Variants in NKAIN1 observed in about 807,000 individuals in gnomAD.
NKAIN1 encodes the protein sodium/potassium-transporting ATPase subunit beta-1-interacting protein 1.
A neutral mutation model predicts 31.6 loss-of-function variants in NKAIN1; 13 were observed. The ratio of observed to expected loss-of-function variants is 0.41; its 90% confidence interval spans 0.27 to 0.65. The LOEUF (loss-of-function observed/expected upper bound fraction) is 0.65, where lower values mean the gene tolerates loss of function less well. Ranked by LOEUF, NKAIN1 falls within the 30% of genes least tolerant of loss-of-function variation. The pLI is 0.30. For missense variants in NKAIN1, 193 were observed against 262.2 expected, an observed-to-expected ratio of 0.74 and a Z score of 1.82; for synonymous variants, 104 against 109.0, an observed-to-expected ratio of 0.95 and a Z score of 0.28.
At chr1:31,184,796 T>C (rs927884320) in intron 3 of NKAIN1, among the ~76,000 whole-genome samples, 4 of 152,196 alleles carry the variant, frequency 2.6e-5, no homozygotes, top group Admixed American at 1.3e-4. Flanking sequence ...CTTGGTCTGC[T>C]CAATCTTCCC....
At chr1:31,222,810 A>G (rs1167624578) in intron 1 of NKAIN1, among the ~76,000 whole-genome samples, 1 of 152,136 alleles carries the variant, frequency 6.6e-6, no homozygotes, top group African/African-American at 2.4e-5. Context: ...GTCCTGAACA[A>G]ATACTGTGTG....
chr1:31,197,636 T>A (rs1197361642), intron 1 of NKAIN1, among the ~76,000 whole-genome samples: 1 of 143,048 alleles, frequency 7.0e-6, no homozygotes, highest in Non-Finnish European at 1.5e-5. Context: ...AACCTCTATC[T>A]CCCGGGTTCA....
At chr1:31,210,666 C>A (rs1275918893) in intron 1 of NKAIN1, among the ~76,000 whole-genome samples, 2 of 152,192 alleles carry the variant, frequency 1.3e-5, no homozygotes, top group Non-Finnish European at 2.9e-5. Flanking sequence ...ACAGCTGAGC[C>A]CGTTTCCTCA....
intron 2 of NKAIN1, among the ~76,000 whole-genome samples, chr1:31,186,380 CTT>C: frequency 7.6e-6 from 1 of 132,292 alleles, no homozygotes; most frequent in Non-Finnish European, 1.6e-5. Context: ...AAAAAAAAGT[CTT>C]AATTCTTTTG....
intron 1 of NKAIN1, among the ~76,000 whole-genome samples, chr1:31,194,375 CCTT>C (rs1339053624): frequency 6.6e-6 from 1 of 151,688 alleles, no homozygotes; most frequent in Non-Finnish European, 1.5e-5. Flanking sequence ...CCTTCCCTTC[CCTT>C]TTTCTTTCCT....
chr1:31,205,913 G>A (rs1462901721), intron 1 of NKAIN1, among the ~76,000 whole-genome samples: 5 of 150,748 alleles, frequency 3.3e-5, no homozygotes, highest in Admixed American at 1.3e-4. Context: ...ATGAGCCACC[G>A]CGCCCGGCCC....
Position 31,179,747 on chromosome 1 carries a change from G to A in NKAIN1, c.*1956C>T, listed in dbSNP as rs553927247. ...ACCCAATGGGCAGGACAGGAAGATA[G>A]AGAAGAAAACACCATCTTTAATCAA... On this transcript the variant is annotated 3_prime_UTR_variant, in exon 7 of 7. Coordinates refer to ENST00000373736, the MANE Select transcript of NKAIN1 (RefSeq NM_024522.3). 6.6e-6 allele frequency: 1 copy of A among 152,216 alleles called. No individual in the cohort carries two copies. The highest frequency in any genetic ancestry group is 2.4e-5 in the African/African-American group (1 of 41,446). The allele number at this position is 152,216 out of a possible 1,614,324, so 9.4% of individuals were successfully genotyped here.
In NKAIN1 at chr1:31,181,578, C is replaced by T. The variant is rs1645198075; in HGVS notation, c.*125G>A. The T allele has an allele frequency of 9.5e-6, 8 of 844,836 alleles. No homozygotes were observed. Among genetic ancestry groups the T allele is most frequent in the Admixed American group, 3.9e-5 (1 of 25,894 alleles). 52.3% of individuals were successfully genotyped at this position (844,836 alleles called of 1,614,324 possible). The stretch of plus-strand genomic sequence containing the variant: ...AAGTCCGCATCTCCAGATGCAGACG[C>T]GGGGTTGGGCACAGGCTGCAGTGAG... On this transcript the variant is annotated 3_prime_UTR_variant, in exon 7 of 7. Coordinates refer to ENST00000373736, the MANE Select transcript of NKAIN1 (RefSeq NM_024522.3).
intron 1 of NKAIN1, among the ~76,000 whole-genome samples, chr1:31,230,905 G>A (rs903451947): frequency 1.2e-4 from 17 of 142,216 alleles, no homozygotes; most frequent in Non-Finnish European, 2.3e-4. Context: ...TTTTTGAGAC[G>A]GAGTTTTGCT....
At chr1:31,210,291 CTTT>C (rs5773343) in intron 1 of NKAIN1, among the ~76,000 whole-genome samples, 189 of 136,126 alleles carry the variant, frequency 1.4e-3, no homozygotes, top group African/African-American at 2.1e-3. Flanking sequence ...TTTTGCCATT[CTTT>C]TTTTTTTTTT....
In NKAIN1 at chr1:31,182,518, C is replaced by T. The variant is rs1267470625; in HGVS notation, c.532+12G>A. 4 of 1,613,872 alleles carry T rather than the reference C, an allele frequency of 2.5e-6. No homozygotes were observed. The highest frequency in any genetic ancestry group is 3.3e-5 in the Admixed American group (2 of 59,994). On this transcript the variant is annotated intron_variant, in intron 5 of 6. Transcript: ENST00000373736. ...GCCAGATTCCCCACTTCCCCAGGGGCGCCTTACTCACAGCTGTCCTCCTCC... is the reference window on the plus strand; with the variant it reads ...GCCAGATTCCCCACTTCCCCAGGGGTGCCTTACTCACAGCTGTCCTCCTCC...
Position 31,182,599 on chromosome 1 carries a change from G to T in NKAIN1, c.472-9C>A. On this transcript the variant is annotated splice_polypyrimidine_tract_variant and intron_variant, in intron 4 of 6. Coordinates refer to ENST00000373736, the MANE Select transcript of NKAIN1 (RefSeq NM_024522.3). ...AACACGAAGCCGAACAGCTGGGAGTGGAGATGACACGTCAGGGAGGAAGGA... is the reference window on the plus strand; with the variant it reads ...AACACGAAGCCGAACAGCTGGGAGTTGAGATGACACGTCAGGGAGGAAGGA... The T allele has an allele frequency of 6.2e-7, 1 of 1,614,096 alleles. No individual in the cohort carries two copies. The highest frequency in any genetic ancestry group is 8.5e-7 in the Non-Finnish European group (1 of 1,179,960).
chr1:31,223,840 G>T (rs1645582399), intron 1 of NKAIN1, among the ~76,000 whole-genome samples: 1 of 152,186 alleles, frequency 6.6e-6, no homozygotes, highest in Non-Finnish European at 1.5e-5. Context: ...ATTTCCTATT[G>T]TCCTTGTAGT....
At chr1:31,212,858 G>A (rs1467596423) in intron 1 of NKAIN1, among the ~76,000 whole-genome samples, 21 of 152,096 alleles carry the variant, frequency 1.4e-4, no homozygotes, top group African/African-American at 4.6e-4. Context: ...TTAGCTGGGC[G>A]TGGTGGCAGG....
intron 4 of NKAIN1, among the ~76,000 whole-genome samples, chr1:31,183,615 A>G (rs1383965379): frequency 6.6e-6 from 1 of 151,678 alleles, no homozygotes; most frequent in Non-Finnish European, 1.5e-5. Context: ...TGCCTGGCTA[A>G]TTTTGTATTT....
chr1:31,195,410 C>T (rs1001373510), intron 1 of NKAIN1, among the ~76,000 whole-genome samples: 5 of 152,082 alleles, frequency 3.3e-5, no homozygotes, highest in African/African-American at 1.2e-4. Flanking sequence ...GCATAAGCCA[C>T]CGCGCCTGGC....
At chr1:31,212,658 G>GCCTC (rs1224119371) in intron 1 of NKAIN1, among the ~76,000 whole-genome samples, 2 of 151,848 alleles carry the variant, frequency 1.3e-5, no homozygotes, top group South Asian at 2.1e-4. Flanking sequence ...GCCTGCCTTG[G>GCCTC]CCTCCCGAAA....
chr1:31,186,394 G>GTTTT (rs11303246), intron 2 of NKAIN1, among the ~76,000 whole-genome samples: 1 of 97,296 alleles, frequency 1.0e-5, no homozygotes, highest in South Asian at 4.1e-4. Flanking sequence ...ATTCTTTTGT[G>GTTTT]TTTTTTTTTT....
At chr1:31,218,894 C>T (rs6700796) in intron 1 of NKAIN1, among the ~76,000 whole-genome samples, 14,271 of 152,230 alleles carry the variant, frequency 0.094, 1,149 homozygotes, top group African/African-American at 0.22. Context: ...GACGGCAGTG[C>T]GCTCAGATGA....
Sources: allele counts gnomAD v4.1 joint callset (sites outside exome capture counted in the v4.1 genomes callset), GRCh38; gene constraint gnomAD v4.1.1; transcripts MANE v1.5; gene names NCBI Gene and HGNC (gene_info 2026-07-23, HGNC 2026-07-21).